ENOX1: variants seen among roughly 807,000 people sequenced by gnomAD.
ENOX1 encodes the protein ecto-NOX disulfide-thiol exchanger 1.
A neutral mutation model predicts 82.5 loss-of-function variants in ENOX1; 42 were observed. The ratio of observed to expected loss-of-function variants is 0.51; its 90% CI spans 0.40 to 0.66. The LOEUF (loss-of-function observed/expected upper bound fraction) is 0.66. ENOX1 is among the 30% of genes least tolerant of loss of function. The pLI is 0.00. For synonymous variants in ENOX1, 271 were observed against 282.2 expected (o/e 0.96, Z 0.40); for missense variants, 608 against 811.6 (o/e 0.75, Z 3.05).
chr13:43,742,703 G>A (rs1949807631), intron 1 of ENOX1, among the ~76,000 whole-genome samples: 1 of 152,142 alleles, frequency 6.6e-6, no homozygotes, highest in African/African-American at 2.4e-5. Context: ...AGATAATGGT[G>A]GCTCAACCAA....
At chr13:43,344,304 G>C (rs2049247589) in intron 9 of ENOX1, among the ~76,000 whole-genome samples, 1 of 152,166 alleles carries the variant, frequency 6.6e-6, no homozygotes, top group Non-Finnish European at 1.5e-5. Context: ...CAGGCTTGCT[G>C]TTCTGAGGAA....
chr13:43,373,618 A>T (rs1322242881), intron 5 of ENOX1, among the ~76,000 whole-genome samples: 2 of 152,184 alleles, frequency 1.3e-5, no homozygotes, highest in African/African-American at 4.8e-5. Flanking sequence ...ACACACACAC[A>T]CGTGTCTTTT....
chr13:43,389,296 G>T (rs1348798666), intron 5 of ENOX1, among the ~76,000 whole-genome samples: 1 of 152,120 alleles, frequency 6.6e-6, no homozygotes, highest in African/African-American at 2.4e-5. Flanking sequence ...TTGAAAAACT[G>T]GAAACAGCTC....
chr13:43,430,913 G>C (rs897093037), intron 3 of ENOX1, among the ~76,000 whole-genome samples: 1 of 152,186 alleles, frequency 6.6e-6, no homozygotes, highest in Non-Finnish European at 1.5e-5. Context: ...ACCTGAAGCT[G>C]TCCTTTTGCA....
intron 9 of ENOX1, among the ~76,000 whole-genome samples, chr13:43,335,438 G>T (rs984061505): frequency 2.6e-5 from 4 of 151,988 alleles, no homozygotes; most frequent in Non-Finnish European, 4.4e-5. Context: ...TTTATGCATG[G>T]ATTTTGTCCA....
rs76523862 is a variant in ENOX1 at position 43,298,914 on chromosome 13, G to C, written c.1262-384C>G. On this transcript the variant is annotated intron_variant, in intron 11 of 16. Transcript: ENST00000690772. Reference sequence around the variant, plus strand: ...TAAATATTGTCTTCCCCCTTTCTACGGGATTGCTTAGCTACTTGGAGGGCT... The same window carrying C: ...TAAATATTGTCTTCCCCCTTTCTACCGGATTGCTTAGCTACTTGGAGGGCT... 8.4e-3 allele frequency among the ~76,000 whole-genome samples: 1,285 copies of C among 152,212 alleles called. 13 individuals are homozygous for C. Among genetic ancestry groups the C allele is most frequent in the Middle Eastern group, 0.027 (8 of 294 alleles).
chr13:43,452,703 A>G (rs2057032350), intron 3 of ENOX1, among the ~76,000 whole-genome samples: 1 of 152,044 alleles, frequency 6.6e-6, no homozygotes, highest in Non-Finnish European at 1.5e-5. Context: ...TTGTATTCTT[A>G]GTAGAGATTG....
At chr13:43,278,806 A>C (rs2045213048) in intron 12 of ENOX1, among the ~76,000 whole-genome samples, 1 of 152,170 alleles carries the variant, frequency 6.6e-6, no homozygotes, top group Admixed American at 6.5e-5. Flanking sequence ...TTGAATAGAT[A>C]GTTGCAATTT....
At chr13:43,727,946 T>C (rs890784606) in intron 1 of ENOX1, among the ~76,000 whole-genome samples, 1 of 152,214 alleles carries the variant, frequency 6.6e-6, no homozygotes, top group African/African-American at 2.4e-5. Context: ...CAAGAAATTA[T>C]TTTAAGTTAA....
intron 2 of ENOX1, among the ~76,000 whole-genome samples, chr13:43,659,099 T>C (rs1290611997): frequency 6.6e-6 from 1 of 152,204 alleles, no homozygotes; most frequent in Non-Finnish European, 1.5e-5. Context: ...AAAATTTCCT[T>C]AATTTCACCT....
At chr13:43,230,519 TAAGGGGTA>T (rs1447146707) in intron 15 of ENOX1, among the ~76,000 whole-genome samples, 1 of 152,122 alleles carries the variant, frequency 6.6e-6, no homozygotes, top group Non-Finnish European at 1.5e-5. Flanking sequence ...ACAAGATCAC[TAAGGGGTA>T]ATGCAGCTTT....
intron 2 of ENOX1, among the ~76,000 whole-genome samples, chr13:43,583,916 C>G (rs996960450): frequency 2.0e-5 from 3 of 151,486 alleles, no homozygotes; most frequent in African/African-American, 7.3e-5. Flanking sequence ...AACATTTTGA[C>G]GCACGAGCAC....
intron 13 of ENOX1, among the ~76,000 whole-genome samples, chr13:43,267,209 C>A (rs984131419): frequency 6.6e-6 from 1 of 152,188 alleles, no homozygotes; most frequent in African/African-American, 2.4e-5. Flanking sequence ...TCTCCTTTAG[C>A]TGCTACTCTC....
chr13:43,302,803 G>A (rs2153511835), intron 11 of ENOX1, among the ~76,000 whole-genome samples: 1 of 152,294 alleles, frequency 6.6e-6, no homozygotes, highest in East Asian at 1.9e-4. Context: ...TAAATAATCT[G>A]GAGAAAGCCT....
intron 1 of ENOX1, among the ~76,000 whole-genome samples, chr13:43,720,648 T>C (rs1479906433): frequency 6.6e-6 from 1 of 152,212 alleles, no homozygotes; most frequent in African/African-American, 2.4e-5. Flanking sequence ...ATTTTTGAAC[T>C]TGTGTTTTGT....
rs1248264221 is a variant in ENOX1 at position 43,616,717 on chromosome 13, C to T, written c.-219+50762G>A. ...ACATGATTAAATTTAACAAATATATCGTTTGTTGACATTTCTCTCTCTTCC... is the reference window on the plus strand; with the variant it reads ...ACATGATTAAATTTAACAAATATATTGTTTGTTGACATTTCTCTCTCTTCC... On this transcript the variant is annotated intron_variant, in intron 2 of 16. Transcript: ENST00000690772. Among the ~76,000 whole-genome samples the T allele has an allele frequency of 2.0e-5, 3 of 152,054 alleles. No homozygotes were observed. The East Asian group carries it at 5.8e-4, about 29-fold the overall frequency.
intron 2 of ENOX1, among the ~76,000 whole-genome samples, chr13:43,664,757 A>G (rs1306484322): frequency 6.6e-6 from 1 of 152,202 alleles, no homozygotes; most frequent in Non-Finnish European, 1.5e-5. Flanking sequence ...GAAGTTATAC[A>G]TCTATATTTG....
At chr13:43,218,111 GA>G (rs1200064997) in intron 16 of ENOX1, among the ~76,000 whole-genome samples, 2 of 152,194 alleles carry the variant, frequency 1.3e-5, no homozygotes, top group Non-Finnish European at 2.9e-5. Flanking sequence ...ATGAAACTGG[GA>G]TTTGAAATCC....
intron 1 of ENOX1, among the ~76,000 whole-genome samples, chr13:43,713,829 G>T (rs1275593880): frequency 0.015 from 2,206 of 150,562 alleles, 16 homozygotes; most frequent in Middle Eastern, 0.041. Flanking sequence ...TCTTGCTAGC[G>T]GTCTATCAAT....
Sources: gnomAD v4.1 joint callset for allele counts (sites outside exome capture counted in the v4.1 genomes callset) on GRCh38, gnomAD v4.1.1 for gene constraint, MANE v1.5 for transcripts, NCBI Gene and HGNC (gene_info 2026-07-23, HGNC 2026-07-21) for gene names.